TBC1D5: variants seen among roughly 807,000 people sequenced by gnomAD.
TBC1D5 encodes the protein TBC1 domain family, member 5.
TBC1D5 carries 75 observed loss-of-function variants against 100.3 expected under a neutral mutation model. The observed-to-expected ratio is 0.75, with a 90% CI of 0.62 to 0.91. The LOEUF is 0.91. TBC1D5 is among the 40% of genes least tolerant of loss of function. The pLI, the probability that TBC1D5 is intolerant of heterozygous loss-of-function variation, is 0.00. For missense variants in TBC1D5, 910 were observed against 942.4 expected, an observed-to-expected ratio of 0.97 and a Z score of 0.45; for synonymous variants, 323 against 325.6, an observed-to-expected ratio of 0.99 and a Z score of 0.09.
chr3:17,676,026 C>A (rs2068581776), intron 1 of TBC1D5, among the ~76,000 whole-genome samples: 1 of 151,950 alleles, frequency 6.6e-6, no homozygotes, highest in South Asian at 2.1e-4. Flanking sequence ...AAGAAAGATT[C>A]TCCATTACAA....
intron 3 of TBC1D5, among the ~76,000 whole-genome samples, chr3:17,458,420 A>T (rs575630917): frequency 1.3e-5 from 2 of 152,156 alleles, no homozygotes; most frequent in African/African-American, 4.8e-5. Flanking sequence ...GTTCCTCACC[A>T]CGGAGGGCAT....
chr3:17,171,955 A>C (rs2067212383), intron 19 of TBC1D5, among the ~76,000 whole-genome samples: 1 of 152,150 alleles, frequency 6.6e-6, no homozygotes, highest in Non-Finnish European at 1.5e-5. Context: ...GGGTGCACCC[A>C]AGAAGAGGGA....
chr3:17,594,817 G>A (rs533998421), intron 2 of TBC1D5, among the ~76,000 whole-genome samples: 3 of 152,166 alleles, frequency 2.0e-5, no homozygotes, highest in Admixed American at 2.0e-4. Flanking sequence ...CAGGAGATGC[G>A]AATGGGTTCC....
intron 13 of TBC1D5, among the ~76,000 whole-genome samples, chr3:17,320,913 G>A (rs1575318583): frequency 6.6e-6 from 1 of 152,018 alleles, no homozygotes; most frequent in East Asian, 1.9e-4. Context: ...TATTATGATG[G>A]TATCTTTATA....
At chr3:17,680,841 T>C (rs1248746360) in intron 1 of TBC1D5, among the ~76,000 whole-genome samples, 2 of 151,382 alleles carry the variant, frequency 1.3e-5, no homozygotes, top group Admixed American at 1.3e-4. Context: ...GTTTGCAAAC[T>C]CTAAATTTAA....
chr3:17,508,502 G>A, exon 3 of TBC1D5: 1 of 1,613,640 alleles, frequency 6.2e-7, no homozygotes, highest in Non-Finnish European at 8.5e-7. Context: ...AACTGGACAA[G>A]GGGTCAATGC....
At chr3:17,438,511 C>T (rs756240697) in intron 3 of TBC1D5, among the ~76,000 whole-genome samples, 6 of 152,278 alleles carry the variant, frequency 3.9e-5, no homozygotes, top group African/African-American at 1.2e-4. Flanking sequence ...ATTCCCCCTT[C>T]GCTGGGCACT....
intron 2 of TBC1D5, among the ~76,000 whole-genome samples, chr3:17,589,707 G>A (rs899127595): frequency 1.8e-4 from 27 of 152,210 alleles, no homozygotes; most frequent in East Asian, 7.7e-4. Flanking sequence ...TAATCACTTC[G>A]TATTTTAATT....
intron 2 of TBC1D5, among the ~76,000 whole-genome samples, chr3:17,598,187 T>A (rs771916728): frequency 5.9e-5 from 9 of 152,200 alleles, no homozygotes; most frequent in African/African-American, 9.6e-5. Context: ...TCAACTTGAC[T>A]CCAAGAGATG....
At chr3:17,436,928 G>T (rs2094546641) in intron 3 of TBC1D5, among the ~76,000 whole-genome samples, 1 of 152,206 alleles carries the variant, frequency 6.6e-6, no homozygotes, top group Non-Finnish European at 1.5e-5. Context: ...CCCAATTTAA[G>T]TTAACATGTG....
intron 13 of TBC1D5, among the ~76,000 whole-genome samples, chr3:17,320,545 T>C (rs1665863158): frequency 6.6e-6 from 1 of 152,226 alleles, no homozygotes; most frequent in South Asian, 2.1e-4. Context: ...GGAGGACTCC[T>C]TTCCCAGAAA....
intron 3 of TBC1D5, among the ~76,000 whole-genome samples, chr3:17,483,059 TG>T (rs1319248295): frequency 6.6e-6 from 1 of 152,218 alleles, no homozygotes; most frequent in Non-Finnish European, 1.5e-5. Flanking sequence ...TGTGTGTATA[TG>T]TGTGTTTAAA....
intron 13 of TBC1D5, chr3:17,337,324 A>C (rs769835920): frequency 1.3e-5 from 2 of 152,110 alleles, no homozygotes; most frequent in Admixed American, 6.6e-5. Context: ...AGTAGAAACT[A>C]TCTAGGTCTG....
intron 13 of TBC1D5, among the ~76,000 whole-genome samples, chr3:17,364,211 G>C (rs1468562424): frequency 1.3e-5 from 2 of 151,974 alleles, no homozygotes; most frequent in Non-Finnish European, 2.9e-5. Context: ...CCTTAAAATA[G>C]CAACAAAATT....
intron 17 of TBC1D5, among the ~76,000 whole-genome samples, chr3:17,223,730 G>T (rs1305769697): frequency 6.6e-6 from 1 of 151,958 alleles, no homozygotes; most frequent in Non-Finnish European, 1.5e-5. Context: ...GCATGGTGGT[G>T]CGTGCCTGTA....
intron 14 of TBC1D5, 80 bp from the exon 15 acceptor site, chr3:17,292,081 T>G: frequency 8.0e-7 from 1 of 1,245,048 alleles, no homozygotes; most frequent in Non-Finnish European, 1.1e-6. Flanking sequence ...ATCTAACAAC[T>G]TAAGAGTCAA....
At chr3:17,707,383 T>C (rs2074284827) in intron 1 of TBC1D5, among the ~76,000 whole-genome samples, 1 of 152,154 alleles carries the variant, frequency 6.6e-6, no homozygotes, top group Non-Finnish European at 1.5e-5. Context: ...ATTCAAAAAA[T>C]GTTAGTTAAC....
Position 17,384,113 on chromosome 3 carries a change from T to G in TBC1D5, c.510-98A>C, listed in dbSNP as rs1398794623. 8.6e-6 allele frequency: 9 copies of G among 1,041,732 alleles called. No individual in the cohort carries two copies. The Admixed American group carries it at 2.0e-4, about 23-fold the overall frequency. The allele number at this position is 1,041,732 out of a possible 1,614,324, so 64.5% of individuals were successfully genotyped here. ...AGACGTGCCAAGGGCTGCTTCAGGT[T>G]TTAGAACAAGCCTGTGTTTGCCATG... is the stretch of plus-strand genomic sequence containing the variant. On this transcript the variant is annotated intron_variant, in intron 8 of 21. Coordinates refer to ENST00000253692, the Ensembl canonical transcript of TBC1D5.
At chr3:17,742,188 G>C (rs9847804), upstream of TBC1D5, among the ~76,000 whole-genome samples, 1 of 152,184 alleles carries the variant, frequency 6.6e-6, no homozygotes, top group South Asian at 2.1e-4. Flanking sequence ...TGCCCGCCAG[G>C]GAGCTGAAGG....
Sources: allele counts gnomAD v4.1 joint callset (sites outside exome capture counted in the v4.1 genomes callset), GRCh38; gene constraint gnomAD v4.1.1; transcripts MANE v1.5; gene names NCBI Gene and HGNC (gene_info 2026-07-23, HGNC 2026-07-21).